ZSCAN4: variants seen among roughly 807,000 people sequenced by gnomAD.
ZSCAN4 encodes zinc finger and SCAN domain-containing protein 4.
A neutral mutation model predicts 18.3 loss-of-function variants in ZSCAN4; 18 were observed. That is an observed-to-expected ratio of 0.98 (90% CI 0.68 to 1.46). The LOEUF (loss-of-function observed/expected upper bound fraction) is 1.46. Among genes scored for constraint, ZSCAN4 ranks in the 40% most tolerant of loss-of-function variants. ZSCAN4 has a pLI of 0.00. For synonymous variants in ZSCAN4, 193 were observed against 180.3 expected, an observed-to-expected ratio of 1.07 and a Z score of -0.57; for missense variants, 498 against 511.4, an observed-to-expected ratio of 0.97 and a Z score of 0.25.
the ZSCAN4 span, among the ~76,000 whole-genome samples, chr19:57,660,449 A>T: frequency 6.6e-6 from 1 of 152,226 alleles, no homozygotes; most frequent in Non-Finnish European, 1.5e-5. Flanking sequence ...GGTTGTGCAA[A>T]CTGGAATCTG....
chr19:57,667,624 CGTGCCTCA>C (rs1289590963), upstream of ZSCAN4, among the ~76,000 whole-genome samples: 1 of 152,164 alleles, frequency 6.6e-6, no homozygotes, highest in African/African-American at 2.4e-5. Context: ...CTGATATCAT[CGTGCCTCA>C]GGTCTAACTG....
intron 2 of ZSCAN4, 48 bp from the exon 3 acceptor site, chr19:57,675,993 A>T: frequency 1.3e-6 from 1 of 747,490 alleles, no homozygotes; most frequent in Non-Finnish European, 2.1e-6. Context: ...ATTTGTCTTT[A>T]ATTATGCCAG....
At chr19:57,672,595 CAT>C (rs1187914375) in intron 2 of ZSCAN4, among the ~76,000 whole-genome samples, 2 of 144,220 alleles carry the variant, frequency 1.4e-5, no homozygotes, top group Non-Finnish European at 3.0e-5. Flanking sequence ...CATCACCTCA[CAT>C]AGTTATCTTT....
chr19:57,665,351 C>T (rs1019249018), upstream of ZSCAN4, among the ~76,000 whole-genome samples: 3 of 152,138 alleles, frequency 2.0e-5, no homozygotes, highest in Non-Finnish European at 2.9e-5. Flanking sequence ...CCATCCCAGC[C>T]ACTCCAGCAG....
At chr19:57,666,632 C>T (rs1983857581), upstream of ZSCAN4, among the ~76,000 whole-genome samples, 1 of 150,572 alleles carries the variant, frequency 6.6e-6, no homozygotes, top group African/African-American at 2.4e-5. Flanking sequence ...GCCTGTAATC[C>T]CAGCACCTGG....
chr19:57,672,779 T>A (rs1199963726), intron 2 of ZSCAN4, among the ~76,000 whole-genome samples: 1 of 152,020 alleles, frequency 6.6e-6, no homozygotes, highest in Non-Finnish European at 1.5e-5. Flanking sequence ...ATTTTTGAAT[T>A]TTTAATAGAG....
At chr19:57,651,836 A>G in the ZSCAN4 span, among the ~76,000 whole-genome samples, 1 of 152,010 alleles carries the variant, frequency 6.6e-6, no homozygotes, top group Non-Finnish European at 1.5e-5. Flanking sequence ...AGCAAGGATC[A>G]CTCCAATTAC....
the ZSCAN4 span, among the ~76,000 whole-genome samples, chr19:57,655,225 A>G: frequency 6.6e-6 from 1 of 152,040 alleles, no homozygotes; most frequent in African/African-American, 2.4e-5. Context: ...TGGATTCCCA[A>G]CTTGCTGACC....
intron 1 of ZSCAN4, among the ~76,000 whole-genome samples, chr19:57,669,575 C>T (rs893780373): frequency 2.0e-5 from 3 of 151,800 alleles, no homozygotes; most frequent in Non-Finnish European, 4.4e-5. Flanking sequence ...TACAGGCACG[C>T]GCCACTACGC....
chr19:57,660,497 A>C, the ZSCAN4 span, among the ~76,000 whole-genome samples: 3 of 152,198 alleles, frequency 2.0e-5, no homozygotes, highest in Non-Finnish European at 4.4e-5. Flanking sequence ...GAAGACTCTG[A>C]ACATTTTTCT....
At chr19:57,671,496 G>GAAA (rs35157527) in intron 2 of ZSCAN4, among the ~76,000 whole-genome samples, 166 of 134,600 alleles carry the variant, frequency 1.2e-3, no homozygotes, top group African/African-American at 4.3e-3. Context: ...GGTTCCACAG[G>GAAA]AAAAAAAAAA....
At chr19:57,664,884 G>T (rs1983815374), upstream of ZSCAN4, 1 of 158,912 alleles carries the variant, frequency 6.3e-6, no homozygotes. Flanking sequence ...GGTCAAAAAC[G>T]CCAAAAAGGA....
At position 57,678,091 on chromosome 19, in the gene ZSCAN4, G is replaced by C; in HGVS notation, c.562+12G>C. On this transcript the variant is annotated intron_variant, in intron 4 of 4. Coordinates refer to ENST00000318203, the Ensembl canonical transcript of ZSCAN4. ...AGAAACAGGACAAGGTAAGTCAGGT[G>C]AATCTGCACAACTGAGGAGTGTTCT... The C allele has an allele frequency of 6.3e-7, 1 of 1,582,522 alleles. No homozygotes were observed. Among genetic ancestry groups the C allele is most frequent in the South Asian group, 1.2e-5 (1 of 84,678 alleles).
exon 5 of ZSCAN4, chr19:57,678,705 T>C: frequency 6.2e-7 from 1 of 1,614,176 alleles, no homozygotes; most frequent in Non-Finnish European, 8.5e-7. Flanking sequence ...AAAGAAGCCT[T>C]TCACATGCAG....
At chr19:57,655,073 C>T in the ZSCAN4 span, among the ~76,000 whole-genome samples, 5 of 152,306 alleles carry the variant, frequency 3.3e-5, no homozygotes, top group African/African-American at 1.2e-4. Flanking sequence ...TAACCCAACC[C>T]CAGGTTACCT....
At chr19:57,678,493 C>T (rs1984260885) in exon 5 of ZSCAN4, 2 of 1,614,052 alleles carry the variant, frequency 1.2e-6, no homozygotes, top group African/African-American at 1.3e-5. Context: ...GGAAATTCCA[C>T]ATGTGAGGTA....
upstream of ZSCAN4, chr19:57,664,341 C>G (rs1323282711): frequency 6.5e-6 from 1 of 152,744 alleles, no homozygotes; most frequent in Non-Finnish European, 1.5e-5. Flanking sequence ...CTGCTGGCGG[C>G]GGGCGAGGAG....
At chr19:57,652,813 A>C in the ZSCAN4 span, among the ~76,000 whole-genome samples, 5 of 151,976 alleles carry the variant, frequency 3.3e-5, no homozygotes, top group Non-Finnish European at 4.4e-5. Context: ...TTGAAAAGAG[A>C]CTCAGCTCTT....
At chr19:57,651,966 C>G in the ZSCAN4 span, among the ~76,000 whole-genome samples, 2 of 152,120 alleles carry the variant, frequency 1.3e-5, no homozygotes, top group African/African-American at 4.8e-5. Context: ...CCAGTCACCA[C>G]TGGGTAACCC....
Sources: allele counts gnomAD v4.1 joint callset (sites outside exome capture counted in the v4.1 genomes callset), GRCh38; gene constraint gnomAD v4.1.1; transcripts MANE v1.5; gene names NCBI Gene and HGNC (gene_info 2026-07-23, HGNC 2026-07-21).